The following NREP variants were observed in gnomAD, a reference collection of about 807,000 sequenced individuals.
The protein encoded by NREP is neuronal regeneration-related protein.
In NREP, 5 loss-of-function variants were observed where a neutral mutation model predicts 8.6. That is an observed-to-expected ratio of 0.58 (90% confidence interval 0.30 to 1.22). The LOEUF (loss-of-function observed/expected upper bound fraction) is 1.22. Among genes scored for constraint, NREP ranks in the 50% most tolerant of loss-of-function variants. The probability of loss-of-function intolerance (pLI) is 0.07; values close to 1 mark genes in which losing one functional copy is unlikely to be tolerated. For missense variants in NREP, 86 were observed against 82.5 expected (o/e 1.04, Z -0.17); for synonymous variants, 27 against 28.0 (o/e 0.96, Z 0.11).
rs147635220 is a variant in NREP at position 111,951,996 on chromosome 5, T to G, written c.135+23278A>C. On this transcript the variant is annotated intron_variant, in intron 2 of 3. Coordinates refer to the NREP transcript ENST00000395634. Reference sequence around the variant, plus strand: ...TTCCAAACCCTATATCCTATTCTCTTTCCTGACACTCCTGTCCCAGGCAAC... The same window carrying G: ...TTCCAAACCCTATATCCTATTCTCTGTCCTGACACTCCTGTCCCAGGCAAC... Among the ~76,000 whole-genome samples the G allele has an allele frequency of 7.2e-4, 110 of 152,240 alleles. 1 individual carries two copies. The highest frequency in any genetic ancestry group is 2.6e-3 in the African/African-American group (108 of 41,564).
intron 2 of NREP, among the ~76,000 whole-genome samples, chr5:111,793,084 C>T (rs1335317308): frequency 6.6e-6 from 1 of 152,122 alleles, no homozygotes; most frequent in African/African-American, 2.4e-5. Context: ...CCACAAGTCA[C>T]CCAGTAAACT....
At chr5:111,928,538 G>T (rs1443497430) in intron 2 of NREP, among the ~76,000 whole-genome samples, 1 of 152,132 alleles carries the variant, frequency 6.6e-6, no homozygotes, top group African/African-American at 2.4e-5. Flanking sequence ...AGAAGGCATG[G>T]AACTCAGCCA....
chr5:111,757,579 C>T (rs1750809085), upstream of NREP: 1 of 984,392 alleles, frequency 1.0e-6, no homozygotes, highest in African/African-American at 1.7e-5. Flanking sequence ...GAATCGGCGG[C>T]TCTGGGCCCC....
chr5:111,957,365 C>G (rs557343494), intron 2 of NREP, among the ~76,000 whole-genome samples: 1 of 151,924 alleles, frequency 6.6e-6, no homozygotes, highest in East Asian at 1.9e-4. Context: ...TTAAAAATCT[C>G]AATGGAGAGT....
intron 2 of NREP, among the ~76,000 whole-genome samples, chr5:111,967,009 T>C (rs1353346013): frequency 1.3e-5 from 2 of 152,232 alleles, no homozygotes; most frequent in East Asian, 1.9e-4. Flanking sequence ...CATCTGGCCA[T>C]GTCTAAAGAC....
chr5:111,861,471 G>C (rs892693188), intron 2 of NREP, among the ~76,000 whole-genome samples: 4 of 152,136 alleles, frequency 2.6e-5, no homozygotes, highest in Non-Finnish European at 5.9e-5. Flanking sequence ...CCAAGGGCTA[G>C]ATAGGCTCCA....
intron 1 of NREP, chr5:111,756,296 T>TAAAAA: frequency 3.8e-5 from 9 of 237,946 alleles, no homozygotes; most frequent in Non-Finnish European, 4.6e-5. Context: ...CTTCCGTGTT[T>TAAAAA]AAAAAAAAAA....
At chr5:111,812,010 G>A (rs1752281049) in intron 2 of NREP, among the ~76,000 whole-genome samples, 1 of 152,160 alleles carries the variant, frequency 6.6e-6, no homozygotes, top group South Asian at 2.1e-4. Flanking sequence ...AAACTTGGCT[G>A]GGCATAGTGG....
chr5:111,795,828 A>G (rs998202826), intron 2 of NREP, among the ~76,000 whole-genome samples: 32 of 152,232 alleles, frequency 2.1e-4, no homozygotes, highest in Non-Finnish European at 1.5e-5. Context: ...AAGCAGAAAT[A>G]TGCATTTATT....
intron 2 of NREP, among the ~76,000 whole-genome samples, chr5:111,764,708 A>C (rs927199807): frequency 6.6e-6 from 1 of 152,130 alleles, no homozygotes; most frequent in Non-Finnish European, 1.5e-5. Flanking sequence ...AAAACATAAT[A>C]ATAAGGAGGT....
rs144771440 is a variant in NREP at position 111,872,972 on chromosome 5, G to A, written c.135+102302C>T. 6.6e-5 allele frequency among the ~76,000 whole-genome samples: 10 copies of A among 152,198 alleles called. No individual in the cohort carries two copies. In the East Asian group the frequency reaches 1.7e-3, roughly 26 times the overall value. ...CAGCATTTCAGCCATTTTAACTTGG[G>A]TCTCAGGGATAAGGCATTCCCATTG... On this transcript the variant is annotated intron_variant, in intron 2 of 3. Coordinates refer to the NREP transcript ENST00000395634.
At chr5:111,800,768 G>C (rs1056785762) in intron 2 of NREP, among the ~76,000 whole-genome samples, 1 of 152,196 alleles carries the variant, frequency 6.6e-6, no homozygotes, top group Non-Finnish European at 1.5e-5. Context: ...TGTGATATAT[G>C]TTATTAGCCA....
chr5:111,955,679 T>A (rs1446378144), intron 2 of NREP, among the ~76,000 whole-genome samples: 2 of 152,008 alleles, frequency 1.3e-5, no homozygotes, highest in Admixed American at 6.6e-5. Flanking sequence ...CTAGAAATAC[T>A]AAGTAAAATG....
At chr5:111,734,667 C>T in intron 3 of NREP, 1 of 685,354 alleles carries the variant, frequency 1.5e-6, no homozygotes, top group Non-Finnish European at 2.7e-6. Flanking sequence ...GGGGAGGACT[C>T]ACCGTTAGTC....
intron 2 of NREP, among the ~76,000 whole-genome samples, chr5:111,846,956 T>G (rs1753191539): frequency 3.3e-5 from 5 of 152,158 alleles, no homozygotes; most frequent in African/African-American, 1.2e-4. Flanking sequence ...ATTATGCATC[T>G]ACTAAATGTC....
intron 2 of NREP, among the ~76,000 whole-genome samples, chr5:111,889,859 G>C (rs1241711358): frequency 6.6e-6 from 1 of 152,044 alleles, no homozygotes; most frequent in South Asian, 2.1e-4. Flanking sequence ...ACAGTTAAAG[G>C]GGGTTATTCT....
At chr5:111,889,509 C>T (rs1754342894) in intron 2 of NREP, among the ~76,000 whole-genome samples, 1 of 152,208 alleles carries the variant, frequency 6.6e-6, no homozygotes, top group Non-Finnish European at 1.5e-5. Context: ...CCCCCTAAAA[C>T]TTCATGTCCT....
intron 2 of NREP, among the ~76,000 whole-genome samples, chr5:111,886,861 G>T (rs1226682719): frequency 2.6e-5 from 4 of 152,004 alleles, no homozygotes; most frequent in Non-Finnish European, 4.4e-5. Flanking sequence ...TTAGGAGATA[G>T]ACCTAATGCT....
chr5:111,792,711 T>C (rs1039061882), intron 2 of NREP, among the ~76,000 whole-genome samples: 1 of 152,082 alleles, frequency 6.6e-6, no homozygotes, highest in Non-Finnish European at 1.5e-5. Context: ...CATCCAAAAA[T>C]AACAGAAAGA....
Sources: gnomAD v4.1 joint callset for allele counts (sites outside exome capture counted in the v4.1 genomes callset) on GRCh38, gnomAD v4.1.1 for gene constraint, MANE v1.5 for transcripts, NCBI Gene and HGNC (gene_info 2026-07-23, HGNC 2026-07-21) for gene names.